Variants in KCNH2 observed in about 807,000 individuals in gnomAD.
The protein encoded by KCNH2 is voltage-gated inwardly rectifying potassium channel KCNH2.
A neutral mutation model predicts 95.9 loss-of-function variants in KCNH2; 35 were observed. That is an observed-to-expected ratio of 0.37 (90% confidence interval 0.28 to 0.48). KCNH2 has a LOEUF of 0.48. Among genes scored for constraint, KCNH2 ranks in the 20% least tolerant of loss-of-function variants. The pLI, the probability that KCNH2 is intolerant of heterozygous loss-of-function variation, is 0.99. For missense variants in KCNH2, 1,274 were observed against 1,702.9 expected (o/e 0.75, Z 4.43); for synonymous variants, 786 against 754.7 (o/e 1.04, Z -0.68).
chr7:150,971,944 GC>G (rs1801850880), intron 2 of KCNH2, among the ~76,000 whole-genome samples: 1 of 151,996 alleles, frequency 6.6e-6, no homozygotes, highest in African/African-American at 2.4e-5. Context: ...AGCACCTGCT[GC>G]CCGGGGTGCC....
At chr7:150,948,032 T>G (rs927469150) in intron 11 of KCNH2, among the ~76,000 whole-genome samples, 154 bp from the exon 12 acceptor site, 1 of 152,164 alleles carries the variant, frequency 6.6e-6, no homozygotes, top group East Asian at 1.9e-4. Context: ...GCACCCACTG[T>G]CAAGCCGACC....
chr7:150,951,518 C>G lies in KCNH2; in HGVS notation c.1875G>C (p.Val625=). ...TGTTGGGAGAGACGTTGCCGAAGCC[C>G]ACACTGGTGAGGCTGCTGAAGGTGA... is the stretch of plus-strand genomic sequence containing the variant. ...LYFTFSSLTS[V]GFGNVSPNTN... is the part of the protein sequence containing the mutation. Residue 625 remains valine (V), a synonymous_variant, in exon 7 of 15, where the codon GTG becomes GTC. Coordinates refer to ENST00000262186, the MANE Select transcript of KCNH2 (RefSeq NM_000238.4). 1 of 1,614,244 alleles carries G rather than the reference C, an allele frequency of 6.2e-7. No individual in the cohort carries two copies. The highest frequency in any genetic ancestry group is 8.5e-7 in the Non-Finnish European group (1 of 1,180,042).
chr7:150,969,257 C>T (rs937189334), intron 2 of KCNH2, among the ~76,000 whole-genome samples: 10 of 152,194 alleles, frequency 6.6e-5, no homozygotes, highest in African/African-American at 2.2e-4. Flanking sequence ...CATAAAGTGA[C>T]GGAGAGGAAT....
intron 9 of KCNH2, 84 bp from the exon 10 acceptor site, chr7:150,949,133 C>G (rs1283616693): frequency 7.5e-7 from 1 of 1,336,274 alleles, no homozygotes; most frequent in Admixed American, 1.9e-5. Context: ...ATCCCCACCC[C>G]GGGCAGAGCA....
chr7:150,952,223 A>C lies in KCNH2; in HGVS notation c.1557+202T>G, dbSNP rs1801199994. Among the ~76,000 whole-genome samples, 2 of 152,160 alleles carry C rather than the reference A, an allele frequency of 1.3e-5. No individual in the cohort carries two copies. The highest frequency in any genetic ancestry group is 4.1e-4 in the South Asian group (2 of 4,832). On this transcript the variant is annotated intron_variant, in intron 6 of 14. Transcript: ENST00000262186. This position sits in a 1 kb window ranked among gnomAD's most constrained non-coding sequence, Gnocchi z 7.3. ...TGCAACCTGCGAGGAGCTTGTGTGG[A>C]GAGAAGGAGCATAGGTTTGCTGGGG...
At chr7:150,973,283 T>C (rs1187121258) in intron 2 of KCNH2, among the ~76,000 whole-genome samples, 2 of 152,228 alleles carry the variant, frequency 1.3e-5, no homozygotes, top group African/African-American at 4.8e-5. Flanking sequence ...TTTCAATATA[T>C]GACAGACAGA....
chr7:150,959,612 G>A lies in KCNH2; in HGVS notation c.432C>T (p.Asp144=), dbSNP rs369314508. ...EKDMVGSPAH[D]TNHRGPPTSW... ...TGGTGGGGGGGCCCCGGTGGTTGGT[G>A]TCATGAGCCGGGGACCCCACCATGT... Residue 144 remains aspartate (D), a synonymous_variant, in exon 3 of 15, where the codon GAC becomes GAT. Coordinates refer to ENST00000262186, the MANE Select transcript of KCNH2 (RefSeq NM_000238.4). The A allele has an allele frequency of 3.0e-5, 49 of 1,614,178 alleles. No individual in the cohort carries two copies. The African/African-American group carries it at 5.5e-4, about 18-fold the overall frequency.
intron 2 of KCNH2, among the ~76,000 whole-genome samples, chr7:150,972,226 G>C (rs548761858): frequency 2.0e-5 from 3 of 152,374 alleles, no homozygotes; most frequent in Admixed American, 6.5e-5. Flanking sequence ...AGCTGTCCAC[G>C]GCGGCGCCTG....
At chr7:150,967,263 A>G (rs1801730888) in intron 2 of KCNH2, among the ~76,000 whole-genome samples, 1 of 152,224 alleles carries the variant, frequency 6.6e-6, no homozygotes, top group African/African-American at 2.4e-5. Flanking sequence ...TGGGCAACAG[A>G]GTAAGACTCC....
intron 9 of KCNH2, chr7:150,949,560 T>A (rs182984015): frequency 1.0e-6 from 1 of 989,330 alleles, no homozygotes; most frequent in Admixed American, 4.9e-5. Context: ...GGTGTGTATT[T>A]GTGTTTGTAC....
Position 150,945,075 on chromosome 7 carries a change from GAGGTGCCTA to G in KCNH2, c.*281_*289del. ...AGCAGTAAATAGCAGAAAAGTCCTT[GAGGTGCCTA>G]AGGCCCAGGGCCGGGTGCCTCCGGG... On this transcript the variant is annotated 3_prime_UTR_variant, in exon 15 of 15. Coordinates refer to ENST00000262186, the MANE Select transcript of KCNH2 (RefSeq NM_000238.4). This position sits in a 1 kb window ranked among gnomAD's most constrained non-coding sequence, Gnocchi z 5.6. 2 of 444,990 alleles carry G rather than the reference GAGGTGCCTA, an allele frequency of 4.5e-6. No individual in the cohort carries two copies. The highest frequency in any genetic ancestry group is 1.0e-4 in the South Asian group (2 of 19,618). The allele number at this position is 444,990 out of a possible 1,614,324, so 27.6% of individuals were successfully genotyped here.
chr7:150,946,841 G>A lies in KCNH2; in HGVS notation c.3330+36C>T. ...TGGGCTGGAATCGGGGAACAAGCGGGTCACGGTACATCGAGGAAGCAGGGC... is the reference window on the plus strand; with the variant it reads ...TGGGCTGGAATCGGGGAACAAGCGGATCACGGTACATCGAGGAAGCAGGGC... On this transcript the variant is annotated intron_variant, in intron 14 of 14. Transcript: ENST00000262186. The surrounding 1 kb of genome is among the most constrained non-coding windows in gnomAD (Gnocchi z 6.5). 1.3e-6 allele frequency: 2 copies of A among 1,577,844 alleles called. No homozygotes were observed. Among genetic ancestry groups the A allele is most frequent in the Non-Finnish European group, 1.7e-6 (2 of 1,155,506 alleles).
In KCNH2 at chr7:150,946,974, T is replaced by C. The variant is rs199473029; in HGVS notation, c.3233A>G (p.Tyr1078Cys). Residue 1078 changes from tyrosine to cysteine, a missense_variant, in exon 14 of 15, where the codon TAC becomes TGC. By Grantham distance (194) the Tyr-to-Cys change is radical. Around this residue, in one of 7 missense-constraint regions of KCNH2, gnomAD observed 457 missense variants for 416.1 expected, o/e 1.10. Coordinates refer to ENST00000262186, the MANE Select transcript of KCNH2 (RefSeq NM_000238.4). This position sits in a 1 kb window ranked among gnomAD's most constrained non-coding sequence, Gnocchi z 6.5. ...AGGCCCCGGGGTGGTCACAGCACTG[T>C]AGGCGGGCGGGACCAGCGTCATCTG... Reference protein sequence around the residue: ...QRQMTLVPPAYSAVTTPGPGP... With the variant: ...QRQMTLVPPACSAVTTPGPGP... The C allele has an allele frequency of 3.5e-5, 56 of 1,609,706 alleles. No homozygotes were observed. The highest frequency in any genetic ancestry group is 4.0e-5 in the Non-Finnish European group (47 of 1,177,102).
In KCNH2 at chr7:150,974,941, C is replaced by T; in HGVS notation, c.77G>A (p.Ser26Asn). 1 of 1,593,046 alleles carries T rather than the reference C, an allele frequency of 6.3e-7. No homozygotes were observed. Among genetic ancestry groups the T allele is most frequent in the Non-Finnish European group, 8.5e-7 (1 of 1,170,932 alleles). Residue 26 changes from serine to asparagine, a missense_variant and splice_region_variant, in exon 2 of 15, where the codon AGC becomes AAC. Physicochemically the swap from Ser to Asn is conservative, Grantham distance 46. Coordinates refer to ENST00000262186, the MANE Select transcript of KCNH2 (RefSeq NM_000238.4). ...AGCGTTGGCGATGATGAACTTACGG[C>T]CTAGGGGGGCGGGGAGGAGAGTGCG... The part of the protein sequence containing the change: ...DTIIRKFEGQ[S>N]RKFIIANARV...
intron 13 of KCNH2, 127 bp from the exon 14 acceptor site, chr7:150,947,181 G>A: frequency 9.0e-7 from 1 of 1,105,130 alleles, no homozygotes; most frequent in Non-Finnish European, 1.3e-6. Flanking sequence ...CGCTAGAGGT[G>A]TGGCAGCCCC....
chr7:150,951,908 C>T (rs1466929181), intron 6 of KCNH2, 73 bp from the exon 7 acceptor site: 12 of 1,408,038 alleles, frequency 8.5e-6, no homozygotes, highest in Non-Finnish European at 1.1e-5. Flanking sequence ...GTGCTGCGGC[C>T]CTCAGAGCGA....
rs886062090 is a variant in KCNH2, at chr7:150,958,078, T to C, written c.897A>G (p.Pro299=). The C allele has an allele frequency of 2.4e-6, 3 of 1,272,378 alleles. No individual in the cohort carries two copies. The highest frequency in any genetic ancestry group is 1.6e-5 in the African/African-American group (1 of 63,982). The allele number at this position is 1,272,378 out of a possible 1,614,324, so 78.8% of individuals were successfully genotyped here. A position where few individuals can be genotyped will look rare whatever the true frequency, so the allele number is the denominator to read the frequency against. ...EAMRAGVLPP[P]PRHASTGAMH... ...CCTCACCGGTGCTGGCGTGGCGCGG[T>C]GGCGGGGGCAGCACCCCGGCGCGCA... The change falls in exon 4 of 15, where the codon CCA becomes CCG. Residue 299 remains proline (P), a synonymous_variant. Transcript: ENST00000262186.
At chr7:150,958,576 C>A (rs1261919780) in intron 3 of KCNH2, 74 bp from the exon 4 acceptor site, 3 of 1,275,122 alleles carry the variant, frequency 2.4e-6, no homozygotes, top group South Asian at 1.6e-5. Context: ...GGGAAATGGA[C>A]CCCCAGCCGC....
At chr7:150,977,122 C>A (rs979584394) in intron 1 of KCNH2, among the ~76,000 whole-genome samples, 1 of 148,548 alleles carries the variant, frequency 6.7e-6, no homozygotes, top group African/African-American at 2.6e-5. Flanking sequence ...GTGCTGTACT[C>A]CCGGTCCCCA....
Sources: gnomAD v4.1 joint callset for allele counts (sites outside exome capture counted in the v4.1 genomes callset) on GRCh38, gnomAD v4.1.1 for gene constraint, gnomAD v4.1.1 regional missense constraint, Gnocchi (gnomAD v3.1) non-coding constraint, MANE v1.5 for transcripts, NCBI Gene and HGNC (gene_info 2026-07-23, HGNC 2026-07-21) for gene names.